The following TRMT61A variants were observed in gnomAD, a reference collection of about 807,000 sequenced individuals.
TRMT61A encodes the protein tRNA (adenine(58)-N(1))-methyltransferase catalytic subunit TRMT61A.
TRMT61A carries 15 observed loss-of-function variants against 21.3 expected under a neutral mutation model. The observed-to-expected ratio is 0.70, with a 90% CI of 0.47 to 1.08. The LOEUF is 1.08. TRMT61A is among the 50% of genes least tolerant of loss of function. The pLI, the probability that TRMT61A is intolerant of heterozygous loss-of-function variation, is 0.00. For missense variants in TRMT61A, 352 were observed against 426.7 expected (o/e 0.83, Z 1.54); for synonymous variants, 183 against 185.5 (o/e 0.99, Z 0.11).
rs1260197609 is a variant in TRMT61A at position 103,530,011 on chromosome 14, G to A, written c.33G>A (p.Lys11=). The change falls in exon 2 of 4, where the codon AAG becomes AAA. Residue 11 remains lysine, a synonymous_variant. Transcript: ENST00000389749. ...TCGTGGCATACGAGGAGCTGATCAA[G>A]GAGGGTGACACGGCCATCCTGTCAC... MSFVAYEELI[K]EGDTAILSLG... 1 of 1,611,954 alleles carries A rather than the reference G, an allele frequency of 6.2e-7. No homozygotes were observed. Among genetic ancestry groups the A allele is most frequent in the Non-Finnish European group, 8.5e-7 (1 of 1,179,258 alleles).
At position 103,530,328 on chromosome 14, in the gene TRMT61A, C is replaced by T; in HGVS notation, c.331+19C>T. On this transcript the variant is annotated intron_variant, in intron 2 of 3. Coordinates refer to ENST00000389749, the MANE Select transcript of TRMT61A (RefSeq NM_152307.3). ...GAGTCTGGTGAGTTCCTCAGGCTGC[C>T]TCAGTTTAACGCAGAAATTGACACA... The T allele has an allele frequency of 6.4e-7, 1 of 1,562,250 alleles. No homozygotes were observed. Among genetic ancestry groups the T allele is most frequent in the Non-Finnish European group, 8.7e-7 (1 of 1,145,748 alleles).
chr14:103,532,925 CAG>C, intron 3 of TRMT61A, 77 bp downstream of exon 3: 3 of 1,466,658 alleles, frequency 2.0e-6, no homozygotes, highest in Non-Finnish European at 2.7e-6. Flanking sequence ...CCTGGGATCT[CAG>C]AGGGGTCCAG....
In TRMT61A at chr14:103,534,416, G is replaced by C. The variant is rs767402745; in HGVS notation, c.599-134G>C. On this transcript the variant is annotated intron_variant, in intron 3 of 3. Transcript: ENST00000389749. ...CTCTGCCCTGCAGTCCCAGCTCTTG[G>C]AGAGCTTGCAGTCTGTGTTGGGGCT... 142 of 1,075,504 alleles carry C rather than the reference G, an allele frequency of 1.3e-4. 1 individual carries two copies. Among genetic ancestry groups the C allele is most frequent in the Non-Finnish European group, 1.7e-4 (134 of 777,938 alleles). The allele number at this position is 1,075,504 out of a possible 1,614,324, so 66.6% of individuals were successfully genotyped here.
At chr14:103,533,477 C>T (rs538219359) in intron 3 of TRMT61A, among the ~76,000 whole-genome samples, 17 of 152,300 alleles carry the variant, frequency 1.1e-4, no homozygotes, top group Admixed American at 3.9e-4. Context: ...CCCCTGCTGG[C>T]TCCAGCCCAG....
At chr14:103,534,489 G>A in intron 3 of TRMT61A, 61 bp from the exon 4 acceptor site, 2 of 1,512,162 alleles carry the variant, frequency 1.3e-6, no homozygotes, top group Non-Finnish European at 1.8e-6. Flanking sequence ...GGGATGCTAG[G>A]GCCAGACGGG....
Position 103,532,797 on chromosome 14 carries a change from C to T in TRMT61A, c.547C>T (p.Pro183Ser), listed in dbSNP as rs2075959232. ...HVADAVFLDI[P>S]SPWEAVGHAW... ...GGCCGACGCCGTCTTCCTGGACATC[C>T]CATCACCCTGGGAGGCCGTGGGCCA... Residue 183 changes from proline (P) to serine (S), a missense_variant, in exon 3 of 4, where the codon CCA becomes TCA. Coordinates refer to ENST00000389749, the MANE Select transcript of TRMT61A (RefSeq NM_152307.3). 1 of 1,569,918 alleles carries T rather than the reference C, an allele frequency of 6.4e-7. No individual in the cohort carries two copies. Among genetic ancestry groups the T allele is most frequent in the Non-Finnish European group, 8.6e-7 (1 of 1,158,128 alleles).
intron 2 of TRMT61A, 61 bp downstream of exon 2, chr14:103,530,370 C>G: frequency 7.0e-7 from 1 of 1,434,752 alleles, no homozygotes; most frequent in Admixed American, 1.9e-5. Flanking sequence ...GAGGTCAGAG[C>G]CTCCAGCCTG....
rs2075974340 is a variant in TRMT61A at position 103,536,475 on chromosome 14, C to T, written c.*1654C>T. The T allele has an allele frequency of 6.6e-6, 1 of 152,276 alleles. No individual in the cohort carries two copies. The highest frequency in any genetic ancestry group is 6.5e-5 in the Admixed American group (1 of 15,284). The allele number at this position is 152,276 out of a possible 1,614,324, so 9.4% of individuals were successfully genotyped here. ...CTTGTCCTCTCCTTCCAGGACCCAG[C>T]TTCCCTTCTAACCTTGTTACTCACC... On this transcript the variant is annotated 3_prime_UTR_variant, in exon 4 of 4. Coordinates refer to ENST00000389749, the MANE Select transcript of TRMT61A (RefSeq NM_152307.3).
chr14:103,535,163 G>C lies in TRMT61A; in HGVS notation c.*342G>C, dbSNP rs560822597. ...CTCCCAGGTGGGCCTAAGCAGGAAGGGGGTGGAGGAGGGAGGGGGGCATTG... is the reference window on the plus strand; with the variant it reads ...CTCCCAGGTGGGCCTAAGCAGGAAGCGGGTGGAGGAGGGAGGGGGGCATTG... On this transcript the variant is annotated 3_prime_UTR_variant, in exon 4 of 4. Coordinates refer to ENST00000389749, the MANE Select transcript of TRMT61A (RefSeq NM_152307.3). 293 of 568,400 alleles carry C rather than the reference G, an allele frequency of 5.2e-4. No individual in the cohort carries two copies. The highest frequency in any genetic ancestry group is 4.5e-3 in the African/African-American group (244 of 54,242). The allele number at this position is 568,400 out of a possible 1,614,324, so 35.2% of individuals were successfully genotyped here.
chr14:103,529,843 C>A (rs1193436193), intron 1 of TRMT61A, 107 bp from the exon 2 acceptor site: 5 of 812,006 alleles, frequency 6.2e-6, no homozygotes, highest in East Asian at 5.4e-5. Context: ...CTAGCCACAC[C>A]CCGCCCATGC....
chr14:103,532,910 G>A (rs1596000352), intron 3 of TRMT61A, 62 bp downstream of exon 3: 2 of 1,486,314 alleles, frequency 1.3e-6, no homozygotes, highest in East Asian at 2.5e-5. Flanking sequence ...GTGCAGGACT[G>A]AGCTCCTGGG....
chr14:103,535,140 C>T lies in TRMT61A; in HGVS notation c.*319C>T, dbSNP rs1279186324. ...TGCAGGTGGGGGAGTCTGACCCCCT[C>T]CCAGGTGGGCCTAAGCAGGAAGGGG... is the stretch of plus-strand genomic sequence containing the variant. On this transcript the variant is annotated 3_prime_UTR_variant, in exon 4 of 4. Transcript: ENST00000389749. 3 of 602,656 alleles carry T rather than the reference C, an allele frequency of 5.0e-6. No individual in the cohort carries two copies. The highest frequency in any genetic ancestry group is 3.6e-5 in the African/African-American group (2 of 55,010). The allele number at this position is 602,656 out of a possible 1,614,324, so 37.3% of individuals were successfully genotyped here.
rs2075968549 is a variant in TRMT61A, at chr14:103,534,996, A to C, written c.*175A>C. 1 of 816,630 alleles carries C rather than the reference A, an allele frequency of 1.2e-6. No individual in the cohort carries two copies. Among genetic ancestry groups the C allele is most frequent in the African/African-American group, 1.7e-5 (1 of 59,358 alleles). 50.6% of individuals were successfully genotyped at this position (816,630 alleles called of 1,614,324 possible). A position where few individuals can be genotyped will look rare whatever the true frequency, so the allele number is the denominator to read the frequency against. ...GGAAGGGCGGCTGTGATGGAGGAGC[A>C]GTGCTGGGGCTGGGCCTCAGCCATT... On this transcript the variant is annotated 3_prime_UTR_variant, in exon 4 of 4. Coordinates refer to ENST00000389749, the MANE Select transcript of TRMT61A (RefSeq NM_152307.3).
chr14:103,534,778 G>A lies in TRMT61A; in HGVS notation c.827G>A (p.Gly276Asp). ...GGCACGCCCATGAAGGAGGCCGTGG[G>A]CCACACCGGCTACCTGACCTTCGCC... The part of the protein sequence containing the change: ...RSGTPMKEAV[G>D]HTGYLTFATK... The change falls in exon 4 of 4, where the codon GGC becomes GAC. Residue 276 changes from glycine (G) to aspartate (D), a missense_variant. Coordinates refer to ENST00000389749, the MANE Select transcript of TRMT61A (RefSeq NM_152307.3). The A allele has an allele frequency of 6.4e-7, 1 of 1,567,820 alleles. No homozygotes were observed. The highest frequency in any genetic ancestry group is 8.6e-7 in the Non-Finnish European group (1 of 1,159,798).
chr14:103,530,716 G>A (rs1296983794), intron 2 of TRMT61A, among the ~76,000 whole-genome samples: 2 of 152,192 alleles, frequency 1.3e-5, no homozygotes, highest in African/African-American at 2.4e-5. Context: ...ACTGTAGGTG[G>A]GGAGCCTTCC....
rs971454289 is a variant in TRMT61A, at chr14:103,531,212, G to C, written c.331+903G>C. The stretch of plus-strand genomic sequence containing the variant: ...CTAGAGAGACCAGGTTCCTGCCCTC[G>C]AGGAGGGGGACACAGCCTAGGTGAG... On this transcript the variant is annotated intron_variant, in intron 2 of 3. Coordinates refer to ENST00000389749, the MANE Select transcript of TRMT61A (RefSeq NM_152307.3). This position sits in a 1 kb window ranked among gnomAD's most constrained non-coding sequence, Gnocchi z 5.1. 6.6e-6 allele frequency among the ~76,000 whole-genome samples: 1 copy of C among 152,178 alleles called. No homozygotes were observed. The highest frequency in any genetic ancestry group is 1.5e-5 in the Non-Finnish European group (1 of 68,018).
In TRMT61A at chr14:103,535,591, G is replaced by A. The variant is rs1306631385; in HGVS notation, c.*770G>A. The A allele has an allele frequency of 2.1e-5, 7 of 336,588 alleles. No individual in the cohort carries two copies. Among genetic ancestry groups the A allele is most frequent in the Non-Finnish European group, 3.0e-5 (5 of 169,206 alleles). 20.9% of individuals were successfully genotyped at this position (336,588 alleles called of 1,614,324 possible). A position where few individuals can be genotyped will look rare whatever the true frequency, so the allele number is the denominator to read the frequency against. ...GCAACCAGGCAAGTGTGTCGGGGCT[G>A]GGGTGTGAATGCCAGCCTGTGAGTC... On this transcript the variant is annotated 3_prime_UTR_variant, in exon 4 of 4. Transcript: ENST00000389749.
chr14:103,533,197 C>T (rs895569371), intron 3 of TRMT61A, among the ~76,000 whole-genome samples: 2 of 152,250 alleles, frequency 1.3e-5, no homozygotes, highest in Admixed American at 6.5e-5. Flanking sequence ...GCTCTGGAGC[C>T]CAGGGAGCTG....
At chr14:103,534,412 C>T (rs1376167782) in intron 3 of TRMT61A, 138 bp from the exon 4 acceptor site, 11 of 1,055,718 alleles carry the variant, frequency 1.0e-5, no homozygotes, top group Non-Finnish European at 1.4e-5. Context: ...AGTCCCAGCT[C>T]TTGGAGAGCT....
Sources: allele counts gnomAD v4.1 joint callset (sites outside exome capture counted in the v4.1 genomes callset), GRCh38; gene constraint gnomAD v4.1.1; non-coding constraint Gnocchi (gnomAD v3.1); transcripts MANE v1.5; gene names NCBI Gene and HGNC (gene_info 2026-07-23, HGNC 2026-07-21).